The following TRIM37 variants were observed in gnomAD, a reference collection of about 807,000 sequenced individuals.
TRIM37 encodes tripartite motif containing 37.
TRIM37 carries 80 observed loss-of-function variants against 129.8 expected under a neutral mutation model. The ratio of observed to expected loss-of-function variants is 0.62; its 90% CI spans 0.51 to 0.74. The LOEUF (loss-of-function observed/expected upper bound fraction) is 0.74. TRIM37 is among the 30% of genes least tolerant of loss of function. The pLI is 0.00. For missense variants in TRIM37, 1,054 were observed against 1,176.5 expected, an observed-to-expected ratio of 0.90 and a Z score of 1.52; for synonymous variants, 389 against 387.1, an observed-to-expected ratio of 1.00 and a Z score of -0.06.
intron 9 of TRIM37, among the ~76,000 whole-genome samples, chr17:59,067,882 A>G (rs62084386): frequency 0.026 from 3,961 of 152,258 alleles, 69 homozygotes; most frequent in Non-Finnish European, 0.043. Flanking sequence ...CACCTACAAC[A>G]ATACTGGGCA....
At chr17:59,032,154 A>G in intron 17 of TRIM37, 64 bp from the exon 18 acceptor site, 1 of 1,498,960 alleles carries the variant, frequency 6.7e-7, no homozygotes, top group Non-Finnish European at 9.2e-7. Context: ...AAATGAAAAA[A>G]TGAACTGGTT....
rs531870140 is a variant in TRIM37, at chr17:59,038,874, C to T, written c.1753+2939G>A. Among the ~76,000 whole-genome samples the T allele has an allele frequency of 7.2e-5, 11 of 152,252 alleles. No homozygotes were observed. The South Asian group carries it at 2.1e-3, about 29-fold the overall frequency. On this transcript the variant is annotated intron_variant, in intron 17 of 23. Coordinates refer to ENST00000262294, the MANE Select transcript of TRIM37 (RefSeq NM_015294.6). Reference sequence around the variant, plus strand: ...AAGCAAGCACTGGCCTCAAGATAAGCAATATTGAAACAATTGCAGCTTACT... The same window carrying T: ...AAGCAAGCACTGGCCTCAAGATAAGTAATATTGAAACAATTGCAGCTTACT...
At chr17:59,000,339 C>T (rs921014352) in intron 23 of TRIM37, among the ~76,000 whole-genome samples, 1 of 152,184 alleles carries the variant, frequency 6.6e-6, no homozygotes, top group African/African-American at 2.4e-5. Context: ...GTAGCTCACA[C>T]CTGTAACCCC....
chr17:59,027,592 T>C (rs1433010052), intron 19 of TRIM37, among the ~76,000 whole-genome samples: 1 of 152,196 alleles, frequency 6.6e-6, no homozygotes, highest in African/African-American at 2.4e-5. Flanking sequence ...CACAAGATAA[T>C]GTAATAGGCT....
chr17:59,088,706 G>A (rs565265846), intron 3 of TRIM37, among the ~76,000 whole-genome samples: 4 of 151,616 alleles, frequency 2.6e-5, no homozygotes, highest in African/African-American at 9.7e-5. Flanking sequence ...TTGTAGAGAC[G>A]GGAATCTTGC....
chr17:59,070,111 T>C (rs1201274560), intron 9 of TRIM37, among the ~76,000 whole-genome samples: 2 of 152,200 alleles, frequency 1.3e-5, no homozygotes, highest in Non-Finnish European at 2.9e-5. Context: ...CACTGATTAA[T>C]TTTCAGCCAA....
intron 17 of TRIM37, among the ~76,000 whole-genome samples, chr17:59,038,228 T>C (rs2038774190): frequency 6.6e-6 from 1 of 152,214 alleles, no homozygotes; most frequent in Non-Finnish European, 1.5e-5. Flanking sequence ...GTAGAAGTTA[T>C]ATTTCATCTC....
the TRIM37 span, among the ~76,000 whole-genome samples, chr17:58,976,700 G>T: frequency 6.6e-6 from 1 of 152,134 alleles, no homozygotes; most frequent in Non-Finnish European, 1.5e-5. Flanking sequence ...ATTTGGGGGC[G>T]AAATGTCATG....
intron 12 of TRIM37, among the ~76,000 whole-genome samples, chr17:59,059,041 A>G (rs1334532479): frequency 6.6e-6 from 1 of 152,170 alleles, no homozygotes; most frequent in Non-Finnish European, 1.5e-5. Context: ...CTATTTGCAA[A>G]TCATATGTCT....
At chr17:58,981,623 G>A (rs1174842167), downstream of TRIM37, 2 of 152,598 alleles carry the variant, frequency 1.3e-5, no homozygotes, top group Non-Finnish European at 2.9e-5. Flanking sequence ...AGACTTGTGA[G>A]GCGGTTTATA....
At chr17:59,068,063 G>A (rs1356607023) in intron 9 of TRIM37, among the ~76,000 whole-genome samples, 1 of 152,050 alleles carries the variant, frequency 6.6e-6, no homozygotes, top group Non-Finnish European at 1.5e-5. Context: ...TTTCTTATTT[G>A]GCCCTCTTTT....
chr17:58,971,394 T>C, the TRIM37 span, among the ~76,000 whole-genome samples: 1 of 152,318 alleles, frequency 6.6e-6, no homozygotes, highest in Non-Finnish European at 1.5e-5. Flanking sequence ...CAGAAAGTCA[T>C]GCTCATTTGG....
intron 9 of TRIM37, among the ~76,000 whole-genome samples, chr17:59,067,599 T>C (rs1276968938): frequency 6.6e-6 from 1 of 152,222 alleles, no homozygotes; most frequent in African/African-American, 2.4e-5. Context: ...AACATAAAAC[T>C]CTCTATGAAC....
At chr17:59,052,521 C>A (rs12452313) in intron 13 of TRIM37, among the ~76,000 whole-genome samples, 44,186 of 151,928 alleles carry the variant, frequency 0.29, 7,306 homozygotes, top group East Asian at 0.44. Context: ...AATACTAATG[C>A]AAGAAAGGAC....
At chr17:59,030,833 T>C (rs1454267743) in intron 18 of TRIM37, among the ~76,000 whole-genome samples, 1 of 152,222 alleles carries the variant, frequency 6.6e-6, no homozygotes, top group Non-Finnish European at 1.5e-5. Flanking sequence ...TTTAAACTAC[T>C]ACAAAATTGT....
intron 9 of TRIM37, among the ~76,000 whole-genome samples, chr17:59,069,803 A>C (rs2042216382): frequency 6.6e-6 from 1 of 152,190 alleles, no homozygotes. Flanking sequence ...GTCTAATACA[A>C]TAAGGCTTGT....
chr17:59,042,129 C>T (rs993503949), intron 16 of TRIM37, among the ~76,000 whole-genome samples: 3 of 149,752 alleles, frequency 2.0e-5, no homozygotes, highest in African/African-American at 4.9e-5. Context: ...GTAATCCCAG[C>T]ACTTTGGGAG....
chr17:58,979,358 T>C (rs1013229976), downstream of TRIM37, among the ~76,000 whole-genome samples: 1 of 152,196 alleles, frequency 6.6e-6, no homozygotes, highest in African/African-American at 2.4e-5. Context: ...TCAGCTCCCA[T>C]GTGTGAGGCC....
At chr17:59,102,413 C>T (rs144121250) in intron 2 of TRIM37, among the ~76,000 whole-genome samples, 1 of 152,290 alleles carries the variant, frequency 6.6e-6, no homozygotes, top group African/African-American at 2.4e-5. Context: ...TTAACTATAA[C>T]GGAGTCCAAT....
Sources: allele counts gnomAD v4.1 joint callset (sites outside exome capture counted in the v4.1 genomes callset), GRCh38; gene constraint gnomAD v4.1.1; transcripts MANE v1.5; gene names NCBI Gene and HGNC (gene_info 2026-07-23, HGNC 2026-07-21).